The following BRWD1 variants were observed in gnomAD, a reference collection of about 807,000 sequenced individuals.
BRWD1 encodes the protein bromodomain and WD repeat domain containing 1, also known as bromodomain and WD repeat-containing protein 1.
A neutral mutation model predicts 251.2 loss-of-function variants in BRWD1; 82 were observed. The ratio of observed to expected loss-of-function variants is 0.33; its 90% confidence interval spans 0.27 to 0.39. BRWD1 has a LOEUF of 0.39. Among genes scored for constraint, BRWD1 ranks in the 10% least tolerant of loss-of-function variants. The pLI, the probability that BRWD1 is intolerant of heterozygous loss-of-function variation, is 1.00. For missense variants in BRWD1, 2,233 were observed against 2,711.6 expected, an observed-to-expected ratio of 0.82 and a Z score of 3.92; for synonymous variants, 918 against 902.8, an observed-to-expected ratio of 1.02 and a Z score of -0.30.
At chr21:39,301,039 C>A (rs1277786405) in intron 4 of BRWD1, among the ~76,000 whole-genome samples, 1 of 152,012 alleles carries the variant, frequency 6.6e-6, no homozygotes, top group Non-Finnish European at 1.5e-5. Context: ...ATTAGCCAGG[C>A]GTGGTGGCAG....
chr21:39,268,771 G>A (rs2035007420), intron 15 of BRWD1, among the ~76,000 whole-genome samples: 1 of 152,142 alleles, frequency 6.6e-6, no homozygotes, highest in African/African-American at 2.4e-5. Context: ...TGGATCATGA[G>A]GTCAAGAGAT....
In BRWD1 at chr21:39,189,046, T is replaced by G. The variant is rs1020176023; in HGVS notation, c.*7213A>C. The G allele has an allele frequency of 1.0e-6, 1 of 985,008 alleles. No individual in the cohort carries two copies. The highest frequency in any genetic ancestry group is 1.2e-6 in the Non-Finnish European group (1 of 829,660). The allele number at this position is 985,008 out of a possible 1,614,324, so 61.0% of individuals were successfully genotyped here. On this transcript the variant is annotated 3_prime_UTR_variant, in exon 41 of 41. Transcript: ENST00000342449. ...ACTTCTCTTGGGAATTTTAAAATTA[T>G]GAACTAGTATCTCCAACAAGTCAAC...
At chr21:39,311,972 A>G (rs1194044666) in intron 4 of BRWD1, among the ~76,000 whole-genome samples, 1 of 152,134 alleles carries the variant, frequency 6.6e-6, no homozygotes, top group African/African-American at 2.4e-5. Flanking sequence ...TTCTTTCTCA[A>G]TTGTTTTCCT....
intron 37 of BRWD1, among the ~76,000 whole-genome samples, chr21:39,203,451 T>C (rs1221571261): frequency 9.3e-5 from 13 of 140,144 alleles, no homozygotes; most frequent in African/African-American, 2.4e-4. Context: ...TTTTTTTTTT[T>C]TTTTTTTTTT....
At chr21:39,312,773 GAGGGGA>G (rs1601521545) in intron 4 of BRWD1, 62 bp downstream of exon 4, 1 of 1,367,508 alleles carries the variant, frequency 7.3e-7, no homozygotes, top group Non-Finnish European at 1.0e-6. Flanking sequence ...GGGTCCCCGC[GAGGGGA>G]AGGGGCGGGG....
chr21:39,289,980 G>A (rs1167221588), intron 8 of BRWD1, among the ~76,000 whole-genome samples: 22 of 147,866 alleles, frequency 1.5e-4, no homozygotes, highest in East Asian at 2.0e-4. Context: ...AGCCGAGATC[G>A]CGCCACTGCA....
intron 17 of BRWD1, among the ~76,000 whole-genome samples, chr21:39,262,028 A>T (rs1466814943): frequency 2.0e-5 from 3 of 152,242 alleles, no homozygotes; most frequent in Admixed American, 2.0e-4. Flanking sequence ...GGCTATATTA[A>T]TATGAAATAA....
intron 4 of BRWD1, chr21:39,312,504 G>A (rs1601520739): frequency 4.4e-6 from 1 of 225,568 alleles, no homozygotes; most frequent in South Asian, 6.6e-5. Flanking sequence ...GGTGGAGCGG[G>A]GAAGCGAATG....
chr21:39,196,281 T>C lies in BRWD1; in HGVS notation c.6788A>G (p.Asp2263Gly). 1.2e-6 allele frequency: 2 copies of C among 1,603,884 alleles called. No homozygotes were observed. Among genetic ancestry groups the C allele is most frequent in the Admixed American group, 1.7e-5 (1 of 59,052 alleles). ...AGGTCATAAGGTGCAACCATTGAAA[T>C]CTAACACATTTTCTAAACTTCTGTC... ...DDDRSLENVL[D>G]FNGCTL Residue 2263 changes from aspartate to glycine, a missense_variant, in exon 41 of 41, where the codon GAT becomes GGT. Asp to Gly is a moderately conservative substitution (Grantham distance 94). Coordinates refer to ENST00000342449, the MANE Select transcript of BRWD1 (RefSeq NM_033656.4).
intron 5 of BRWD1, chr21:39,297,011 C>T: frequency 1.0e-6 from 1 of 985,370 alleles, no homozygotes; most frequent in Non-Finnish European, 1.2e-6. Flanking sequence ...GCTTTCCCTT[C>T]ATTGTAGGAT....
At chr21:39,224,558 A>C in intron 28 of BRWD1, 89 bp from the exon 29 acceptor site, 3 of 827,562 alleles carry the variant, frequency 3.6e-6, no homozygotes, top group Non-Finnish European at 5.9e-6. Context: ...AAAATGTGAA[A>C]ATTAACCTCA....
At chr21:39,242,674 G>C (rs564716847) in intron 21 of BRWD1, among the ~76,000 whole-genome samples, 1 of 152,242 alleles carries the variant, frequency 6.6e-6, no homozygotes, top group African/African-American at 2.4e-5. Flanking sequence ...TCTAGGACAG[G>C]CTCACTCTCT....
In BRWD1 at chr21:39,313,587, G is replaced by T; in HGVS notation, c.-96C>A. On this transcript the variant is annotated 5_prime_UTR_variant, in exon 1 of 41. Transcript: ENST00000342449. ...GGGCTGGCGTCCCCTCTTCTCAGGC[G>T]CGCGCCGCCGCCGCCGCCGCCGCCG... is the stretch of plus-strand genomic sequence containing the variant. 1 of 980,652 alleles carries T rather than the reference G, an allele frequency of 1.0e-6. No homozygotes were observed. The highest frequency in any genetic ancestry group is 3.6e-5 in the East Asian group (1 of 27,900). The allele number at this position is 980,652 out of a possible 1,614,324, so 60.7% of individuals were successfully genotyped here. A position where few individuals can be genotyped will look rare whatever the true frequency, so the allele number is the denominator to read the frequency against.
Position 39,234,137 on chromosome 21 carries a change from T to C in BRWD1, c.2767-1639A>G, listed in dbSNP as rs561508208. Among the ~76,000 whole-genome samples, 3 of 152,156 alleles carry C rather than the reference T, an allele frequency of 2.0e-5. No individual in the cohort carries two copies. In the South Asian group the frequency reaches 6.2e-4, roughly 32 times the overall value. The stretch of plus-strand genomic sequence containing the variant: ...ATTTAAACCAACAATCAAAAGCCTC[T>C]AACTGGAATGTATCTTTTTCATTAT... On this transcript the variant is annotated intron_variant, in intron 23 of 40. Coordinates refer to ENST00000342449, the MANE Select transcript of BRWD1 (RefSeq NM_033656.4).
At chr21:39,203,833 C>T (rs1314692027) in intron 37 of BRWD1, among the ~76,000 whole-genome samples, 1 of 148,516 alleles carries the variant, frequency 6.7e-6, no homozygotes, top group East Asian at 2.0e-4. Context: ...TTTTAAATGC[C>T]GTTAATAATC....
chr21:39,277,850 G>A (rs892238297), intron 10 of BRWD1, among the ~76,000 whole-genome samples: 5 of 151,954 alleles, frequency 3.3e-5, no homozygotes, highest in African/African-American at 4.8e-5. Flanking sequence ...ACAGGCGTGA[G>A]CCAGCTGGTG....
intron 21 of BRWD1, among the ~76,000 whole-genome samples, chr21:39,246,171 G>A (rs946461711): frequency 3.3e-5 from 5 of 152,020 alleles, no homozygotes; most frequent in Admixed American, 6.6e-5. Flanking sequence ...AGTCATAAAG[G>A]ACTGTATCCA....
In BRWD1 at chr21:39,271,517, G is replaced by A. The variant is rs146636797; in HGVS notation, c.1245-1084C>T. 7.9e-3 allele frequency among the ~76,000 whole-genome samples: 1,195 copies of A among 151,270 alleles called. 9 individuals carry two copies. Among genetic ancestry groups the A allele is most frequent in the Middle Eastern group, 0.027 (8 of 292 alleles). On this transcript the variant is annotated intron_variant, in intron 13 of 40. Transcript: ENST00000342449. ...ATCCTGGCTAACACGGTGAAACCTC[G>A]TCTCTACTAAAAATACAAAAAAAAG...
intron 4 of BRWD1, among the ~76,000 whole-genome samples, chr21:39,308,481 C>CAAAAAA (rs35833623): frequency 9.3e-6 from 1 of 107,438 alleles, no homozygotes. Context: ...CACCTTGTCT[C>CAAAAAA]AAAAAAAAAA....
Sources: gnomAD v4.1 joint callset for allele counts (sites outside exome capture counted in the v4.1 genomes callset) on GRCh38, gnomAD v4.1.1 for gene constraint, MANE v1.5 for transcripts, NCBI Gene and HGNC (gene_info 2026-07-23, HGNC 2026-07-21) for gene names.